MCF2L2: variants seen among roughly 807,000 people sequenced by gnomAD.
The protein encoded by MCF2L2 is MCF.2 cell line derived transforming sequence-like 2.
A neutral mutation model predicts 150.2 loss-of-function variants in MCF2L2; 102 were observed. The observed-to-expected ratio is 0.68, with a 90% CI of 0.58 to 0.80. The LOEUF (loss-of-function observed/expected upper bound fraction) is 0.80, where lower values mean the gene tolerates loss of function less well. Among genes scored for constraint, MCF2L2 ranks in the 30% least tolerant of loss-of-function variants. MCF2L2 has a pLI of 0.00. For synonymous variants in MCF2L2, 465 were observed against 491.3 expected (o/e 0.95, Z 0.71); for missense variants, 1,256 against 1,372.8 (o/e 0.91, Z 1.34).
At chr3:183,220,140 A>T (rs537641240) in intron 20 of MCF2L2, among the ~76,000 whole-genome samples, 150 of 152,340 alleles carry the variant, frequency 9.8e-4, no homozygotes, top group Non-Finnish European at 1.7e-3. Context: ...TTTGTAGACT[A>T]CTTTTTCTCA....
At chr3:183,260,413 C>T (rs1403462183) in intron 15 of MCF2L2, among the ~76,000 whole-genome samples, 1 of 152,144 alleles carries the variant, frequency 6.6e-6, no homozygotes, top group Non-Finnish European at 1.5e-5. Flanking sequence ...TCAGCCCAAA[C>T]AAGTGTGTTG....
chr3:183,296,833 C>G, intron 12 of MCF2L2, 143 bp downstream of exon 12: 1 of 815,864 alleles, frequency 1.2e-6, no homozygotes, highest in Non-Finnish European at 1.9e-6. Flanking sequence ...GTCTAAGAGG[C>G]CGCCGGAGGG....
chr3:183,271,080 T>G, intron 15 of MCF2L2: 1 of 720,104 alleles, frequency 1.4e-6, no homozygotes, highest in Non-Finnish European at 2.2e-6. Context: ...TTTCTTTGAT[T>G]CTAGAAGCTG....
intron 26 of MCF2L2, 60 bp from the exon 27 acceptor site, chr3:183,193,156 C>T (rs1276640692): frequency 1.4e-6 from 2 of 1,414,386 alleles, no homozygotes; most frequent in Admixed American, 1.7e-5. Context: ...GCATCCCTCC[C>T]CCACCAGTTG....
At chr3:183,337,403 A>G (rs918794039) in intron 5 of MCF2L2, among the ~76,000 whole-genome samples, 1 of 152,030 alleles carries the variant, frequency 6.6e-6, no homozygotes, top group African/African-American at 2.4e-5. Context: ...CTGAAAATAC[A>G]AAAATTAGCT....
At chr3:183,406,239 T>C (rs1715032980) in intron 1 of MCF2L2, among the ~76,000 whole-genome samples, 1 of 152,224 alleles carries the variant, frequency 6.6e-6, no homozygotes, top group Non-Finnish European at 1.5e-5. Context: ...CCTTGTCATC[T>C]TCACCATGTC....
At chr3:183,298,281 A>G (rs1471324446) in intron 11 of MCF2L2, 2 of 152,236 alleles carry the variant, frequency 1.3e-5, no homozygotes, top group African/African-American at 4.8e-5. Context: ...TTATATGAAA[A>G]GAAGTTTCCA....
intron 14 of MCF2L2, among the ~76,000 whole-genome samples, chr3:183,277,336 C>G (rs571268256): frequency 7.5e-6 from 1 of 134,116 alleles, no homozygotes; most frequent in East Asian, 2.0e-4. Flanking sequence ...GATGCCATAT[C>G]CAAAAAAAAA....
intron 5 of MCF2L2, among the ~76,000 whole-genome samples, chr3:183,326,816 T>C (rs1462760678): frequency 1.3e-5 from 2 of 152,148 alleles, no homozygotes; most frequent in African/African-American, 4.8e-5. Flanking sequence ...TCCCTTGTGC[T>C]GCACCTTTCA....
At chr3:183,208,653 A>C (rs755669186) in intron 22 of MCF2L2, among the ~76,000 whole-genome samples, 6 of 152,248 alleles carry the variant, frequency 3.9e-5, no homozygotes, top group Non-Finnish European at 8.8e-5. Context: ...AAAGCAGATA[A>C]GAATTCATTT....
intron 3 of MCF2L2, among the ~76,000 whole-genome samples, chr3:183,343,756 T>C (rs908668970): frequency 7.2e-5 from 11 of 152,244 alleles, no homozygotes; most frequent in African/African-American, 2.7e-4. Flanking sequence ...TATTATCAAC[T>C]GTGTTTTTTA....
intron 23 of MCF2L2, among the ~76,000 whole-genome samples, chr3:183,207,017 G>A (rs1394748044): frequency 1.4e-5 from 2 of 147,280 alleles, no homozygotes; most frequent in African/African-American, 2.5e-5. Flanking sequence ...AAGGAAGGAA[G>A]GAAGGGGAGA....
At chr3:183,200,641 G>T (rs907081724) in intron 25 of MCF2L2, among the ~76,000 whole-genome samples, 1 of 152,150 alleles carries the variant, frequency 6.6e-6, no homozygotes, top group Non-Finnish European at 1.5e-5. Flanking sequence ...GATCCCACTT[G>T]TCAATTTTGG....
At chr3:183,404,806 T>C (rs1377898035) in intron 1 of MCF2L2, among the ~76,000 whole-genome samples, 1 of 151,948 alleles carries the variant, frequency 6.6e-6, no homozygotes, top group Non-Finnish European at 1.5e-5. Context: ...GAGGTTGCAG[T>C]GAGCCGAGAT....
chr3:183,426,767 C>T (rs573258870), intron 1 of MCF2L2, among the ~76,000 whole-genome samples: 27 of 152,334 alleles, frequency 1.8e-4, no homozygotes, highest in Middle Eastern at 3.4e-3. Flanking sequence ...CTGGTAGGAT[C>T]CTACTGATCT....
At chr3:183,257,757 G>A (rs1725176836) in intron 15 of MCF2L2, among the ~76,000 whole-genome samples, 1 of 151,744 alleles carries the variant, frequency 6.6e-6, no homozygotes, top group Non-Finnish European at 1.5e-5. Context: ...TCTGAATCCT[G>A]GTTTTTCTTA....
chr3:183,198,655 C>T (rs1722153924), intron 25 of MCF2L2, among the ~76,000 whole-genome samples: 1 of 152,176 alleles, frequency 6.6e-6, no homozygotes, highest in South Asian at 2.1e-4. Flanking sequence ...CCTTAATAAG[C>T]TAAAATGTAT....
chr3:183,266,885 C>G (rs1167092633), intron 15 of MCF2L2, among the ~76,000 whole-genome samples: 1 of 151,400 alleles, frequency 6.6e-6, no homozygotes, highest in Non-Finnish European at 1.5e-5. Flanking sequence ...CTTCCTGATT[C>G]AAGTGATTCT....
chr3:183,204,070 T>C (rs1722389065), intron 25 of MCF2L2, among the ~76,000 whole-genome samples: 1 of 152,040 alleles, frequency 6.6e-6, no homozygotes. Flanking sequence ...TATCCACATG[T>C]AAAAAAAGGA....
Sources: allele counts gnomAD v4.1 joint callset (sites outside exome capture counted in the v4.1 genomes callset), GRCh38; gene constraint gnomAD v4.1.1; transcripts MANE v1.5; gene names NCBI Gene and HGNC (gene_info 2026-07-23, HGNC 2026-07-21).